The following TMX3 variants were observed in gnomAD, a reference collection of about 807,000 sequenced individuals.
TMX3 encodes the protein protein disulfide-isomerase TMX3.
A neutral mutation model predicts 64.4 loss-of-function variants in TMX3; 40 were observed. The observed-to-expected ratio is 0.62, with a 90% confidence interval of 0.48 to 0.81. The LOEUF is 0.81. Among genes scored for constraint, TMX3 ranks in the 30% least tolerant of loss-of-function variants. The pLI is 0.00. For missense variants in TMX3, 497 were observed against 534.5 expected (o/e 0.93, Z 0.69); for synonymous variants, 189 against 175.7 (o/e 1.08, Z -0.60).
At chr18:68,694,948 T>C (rs1914912142) in intron 8 of TMX3, among the ~76,000 whole-genome samples, 1 of 152,172 alleles carries the variant, frequency 6.6e-6, no homozygotes, top group Non-Finnish European at 1.5e-5. Flanking sequence ...ATATTTCAAT[T>C]TTTTTATAAT....
chr18:68,686,465 C>T (rs1913965800), intron 10 of TMX3, among the ~76,000 whole-genome samples: 1 of 152,154 alleles, frequency 6.6e-6, no homozygotes, highest in African/African-American at 2.4e-5. Flanking sequence ...AATCCCAGCA[C>T]TTTAGGAGGC....
intron 8 of TMX3, among the ~76,000 whole-genome samples, chr18:68,696,002 G>A (rs777819911): frequency 3.3e-5 from 5 of 152,036 alleles, no homozygotes; most frequent in Admixed American, 6.6e-5. Context: ...TTATCTGTTC[G>A]TTTCTGGCGT....
chr18:68,696,935 A>G (rs1198529432), intron 8 of TMX3: 1 of 263,516 alleles, frequency 3.8e-6, no homozygotes, highest in Non-Finnish European at 7.3e-6. Flanking sequence ...TTGTAAGCCA[A>G]TTTAGGAGTT....
In TMX3 at chr18:68,676,819, C is replaced by G; in HGVS notation, c.*114G>C. ...CTTTAATCCATGCAGTTGATATTAG[C>G]AAAATACGAATAACATGTTCTTTTC... On this transcript the variant is annotated 3_prime_UTR_variant, in exon 16 of 16. Transcript: ENST00000299608. 1.5e-6 allele frequency: 2 copies of G among 1,351,472 alleles called. No individual in the cohort carries two copies. Among genetic ancestry groups the G allele is most frequent in the East Asian group, 2.5e-5 (1 of 40,728 alleles). The allele number at this position is 1,351,472 out of a possible 1,614,324, so 83.7% of individuals were successfully genotyped here. A position where few individuals can be genotyped will look rare whatever the true frequency, so the allele number is the denominator to read the frequency against.
chr18:68,707,494 A>C (rs985622996), intron 4 of TMX3, among the ~76,000 whole-genome samples: 2 of 152,230 alleles, frequency 1.3e-5, no homozygotes, highest in African/African-American at 4.8e-5. Context: ...TGAATAAACT[A>C]ATGAATTAGA....
At chr18:68,701,617 T>C in intron 5 of TMX3, 128 bp downstream of exon 5, 1 of 1,533,262 alleles carries the variant, frequency 6.5e-7, no homozygotes. Flanking sequence ...ATTACATACT[T>C]CACCTATGAA....
At chr18:68,683,808 T>C (rs924089087) in intron 12 of TMX3, among the ~76,000 whole-genome samples, 3 of 152,286 alleles carry the variant, frequency 2.0e-5, no homozygotes, top group Admixed American at 6.5e-5. Context: ...TGGTCAACCA[T>C]GGTCTGAAAA....
chr18:68,711,463 G>C, intron 2 of TMX3, 60 bp from the exon 3 acceptor site: 2 of 1,200,620 alleles, frequency 1.7e-6, no homozygotes, highest in East Asian at 5.0e-5. Context: ...CAACTGTATA[G>C]TATAGGCAGA....
intron 6 of TMX3, among the ~76,000 whole-genome samples, 154 bp downstream of exon 6, chr18:68,700,251 C>A (rs748848870): frequency 6.6e-6 from 1 of 151,994 alleles, no homozygotes; most frequent in African/African-American, 2.4e-5. Context: ...TCTTTGGATA[C>A]GCTGTATAAT....
chr18:68,693,966 C>T (rs1396250875), intron 8 of TMX3, among the ~76,000 whole-genome samples: 1 of 152,178 alleles, frequency 6.6e-6, no homozygotes, highest in African/African-American at 2.4e-5. Context: ...AAGCGAAACA[C>T]AGACTTGTCC....
rs760742367 is a variant in TMX3, at chr18:68,681,085, C to T, written c.931G>A (p.Val311Ile). Residue 311 changes from valine to isoleucine, a missense_variant, in exon 14 of 16, where the codon GTA becomes ATA. Physicochemically the swap from Val to Ile is conservative, Grantham distance 29. This residue lies in a region of TMX3 where 360 missense variants were observed against 383.5 expected (regional missense o/e 0.94). Coordinates refer to ENST00000299608, the MANE Select transcript of TMX3 (RefSeq NM_019022.5). The stretch of plus-strand genomic sequence containing the variant: ...TATTGCTGGTTTGAAGTATTCAGTA[C>T]AACTACAGTTGGGACTGTCAATTCA... ...MDELTVPTVV[V>I]LNTSNQQYFL... 5.0e-6 allele frequency: 8 copies of T among 1,588,620 alleles called. No homozygotes were observed. The South Asian group carries it at 8.2e-5, about 16-fold the overall frequency.
At chr18:68,683,047 A>G (rs1012658220) in intron 12 of TMX3, 66 bp from the exon 13 acceptor site, 2 of 1,409,940 alleles carry the variant, frequency 1.4e-6, no homozygotes, top group Non-Finnish European at 2.0e-6. Flanking sequence ...AGAGAGAGAA[A>G]GCTCATTAAA....
chr18:68,711,450 T>C (rs2031266788), intron 2 of TMX3, 47 bp from the exon 3 acceptor site: 1 of 1,371,502 alleles, frequency 7.3e-7, no homozygotes. Flanking sequence ...TGTGTCCACT[T>C]TACAACTGTA....
intron 15 of TMX3, among the ~76,000 whole-genome samples, chr18:68,678,365 C>T (rs1913119069): frequency 6.6e-6 from 1 of 152,104 alleles, no homozygotes; most frequent in Non-Finnish European, 1.5e-5. Context: ...AAGAATTCCT[C>T]TGCTGTCAAG....
intron 4 of TMX3, among the ~76,000 whole-genome samples, chr18:68,705,057 T>A (rs1568200460): frequency 2.6e-5 from 4 of 152,160 alleles, no homozygotes. Flanking sequence ...GAAAAAGGTA[T>A]AACATATGGC....
chr18:68,687,489 C>CA, intron 10 of TMX3, 178 bp downstream of exon 10: 3 of 985,260 alleles, frequency 3.0e-6, no homozygotes, highest in Non-Finnish European at 3.6e-6. Flanking sequence ...GACCCACATG[C>CA]AAAGGTATAT....
At chr18:68,699,497 AATAT>A (rs2145091885) in intron 6 of TMX3, among the ~76,000 whole-genome samples, 1 of 152,346 alleles carries the variant, frequency 6.6e-6, no homozygotes, top group African/African-American at 2.4e-5. Context: ...CACAAACTTT[AATAT>A]ATAAAGATCA....
At chr18:68,706,138 C>G (rs1462137734) in intron 4 of TMX3, 1 of 152,460 alleles carries the variant, frequency 6.6e-6, no homozygotes, top group Non-Finnish European at 1.5e-5. Context: ...CCTGTAATCC[C>G]AGCACTTTGG....
intron 4 of TMX3, among the ~76,000 whole-genome samples, chr18:68,705,437 A>C (rs1048214902): frequency 6.6e-6 from 1 of 152,206 alleles, no homozygotes; most frequent in African/African-American, 2.4e-5. Context: ...AGAAAGGCAA[A>C]ATTAATTTTT....
Sources: gnomAD v4.1 joint callset for allele counts (sites outside exome capture counted in the v4.1 genomes callset) on GRCh38, gnomAD v4.1.1 for gene constraint, gnomAD v4.1.1 regional missense constraint, MANE v1.5 for transcripts, NCBI Gene and HGNC (gene_info 2026-07-23, HGNC 2026-07-21) for gene names.